The following ITGA4 variants were observed in gnomAD, a reference collection of about 807,000 sequenced individuals.
The protein encoded by ITGA4 is integrin subunit alpha 4.
A neutral mutation model predicts 133.6 loss-of-function variants in ITGA4; 63 were observed. That is an observed-to-expected ratio of 0.47 (90% CI 0.38 to 0.58). The LOEUF (loss-of-function observed/expected upper bound fraction) is 0.58. ITGA4 is among the 20% of genes least tolerant of loss of function. The pLI, the probability that ITGA4 is intolerant of heterozygous loss-of-function variation, is 0.00. For missense variants in ITGA4, 1,076 were observed against 1,252.7 expected, an observed-to-expected ratio of 0.86 and a Z score of 2.13; for synonymous variants, 483 against 438.0, an observed-to-expected ratio of 1.10 and a Z score of -1.28.
intron 25 of ITGA4, 49 bp from the exon 26 acceptor site, chr2:181,534,223 G>A: frequency 9.1e-7 from 1 of 1,101,216 alleles, no homozygotes; most frequent in Non-Finnish European, 1.4e-6. Context: ...GATAAATTAT[G>A]TCTTTATGAA....
intron 11 of ITGA4, 74 bp downstream of exon 11, chr2:181,493,493 G>A: frequency 1.2e-6 from 1 of 832,944 alleles, no homozygotes; most frequent in Non-Finnish European, 1.9e-6. Flanking sequence ...GGTTTATGTG[G>A]ACTTATTTTT....
At chr2:181,519,724 C>G (rs982330537) in intron 17 of ITGA4, among the ~76,000 whole-genome samples, 14 of 151,976 alleles carry the variant, frequency 9.2e-5, no homozygotes, top group African/African-American at 3.1e-4. Context: ...GGGTACAGAT[C>G]GCAATGTGGT....
chr2:181,505,340 G>A (rs1479072954), intron 15 of ITGA4, among the ~76,000 whole-genome samples: 2 of 151,930 alleles, frequency 1.3e-5, no homozygotes, highest in Non-Finnish European at 2.9e-5. Context: ...TTAACAGGAG[G>A]ACATGGGCCT....
intron 14 of ITGA4, among the ~76,000 whole-genome samples, chr2:181,496,543 C>T (rs372722986): frequency 2.6e-5 from 4 of 152,264 alleles, no homozygotes; most frequent in Non-Finnish European, 5.9e-5. Flanking sequence ...TCCTAAGAAC[C>T]GTCACCTATG....
Position 181,481,606 on chromosome 2 carries a change from G to A in ITGA4, c.763G>A (p.Val255Ile). Residue 255 changes from valine to isoleucine, a missense_variant, in exon 7 of 28, where the codon GTC becomes ATC. Val to Ile is a conservative substitution (Grantham distance 29). This residue lies in a region of ITGA4 where 436 missense variants were observed against 590.7 expected (regional missense o/e 0.74). Coordinates refer to ENST00000397033, the MANE Select transcript of ITGA4 (RefSeq NM_000885.6). ...VKFGSYLGYS[V>I]GAGHFRSQHT... Reference sequence around the variant, plus strand: ...TCTCCCTTTTCTTAAAGGATATTCAGTCGGAGCTGGTCATTTTCGGAGCCA... The same window carrying A: ...TCTCCCTTTTCTTAAAGGATATTCAATCGGAGCTGGTCATTTTCGGAGCCA... 3 of 1,591,864 alleles carry A rather than the reference G, an allele frequency of 1.9e-6. No individual in the cohort carries two copies. Among genetic ancestry groups the A allele is most frequent in the Non-Finnish European group, 2.6e-6 (3 of 1,162,678 alleles).
At chr2:181,514,033 C>CAAGA (rs1407429973) in intron 17 of ITGA4, among the ~76,000 whole-genome samples, 5 of 152,104 alleles carry the variant, frequency 3.3e-5, no homozygotes, top group Admixed American at 2.6e-4. Flanking sequence ...GAGAATGGAA[C>CAAGA]AAGATCCCAA....
intron 10 of ITGA4, among the ~76,000 whole-genome samples, chr2:181,492,288 T>A (rs550421270): frequency 6.6e-6 from 1 of 152,252 alleles, no homozygotes; most frequent in South Asian, 2.1e-4. Context: ...CATTTCTTTT[T>A]AACTGAAAAT....
In ITGA4 at chr2:181,468,975, A is replaced by C. The variant is rs190578977; in HGVS notation, c.320-5985A>C. On this transcript the variant is annotated intron_variant, in intron 2 of 27. Coordinates refer to ENST00000397033, the MANE Select transcript of ITGA4 (RefSeq NM_000885.6). Reference sequence around the variant, plus strand: ...TTAAACCATGTAAAGTACTTTTTCAATTATGGAGCTGATTTGATTTACTAA... The same window carrying C: ...TTAAACCATGTAAAGTACTTTTTCACTTATGGAGCTGATTTGATTTACTAA... 3.3e-5 allele frequency among the ~76,000 whole-genome samples: 5 copies of C among 152,158 alleles called. No homozygotes were observed. In the East Asian group the frequency reaches 9.6e-4, roughly 29 times the overall value.
chr2:181,538,294 T>A lies in ITGA4; in HGVS notation c.*2767T>A, dbSNP rs554779592. 3.7e-6 allele frequency: 4 copies of A among 1,069,580 alleles called. No homozygotes were observed. The highest frequency in any genetic ancestry group is 3.1e-5 in the African/African-American group (2 of 64,166). 66.3% of individuals were successfully genotyped at this position (1,069,580 alleles called of 1,614,324 possible). A position where few individuals can be genotyped will look rare whatever the true frequency, so the allele number is the denominator to read the frequency against. On this transcript the variant is annotated 3_prime_UTR_variant, in exon 28 of 28. Coordinates refer to ENST00000397033, the MANE Select transcript of ITGA4 (RefSeq NM_000885.6). Reference sequence around the variant, plus strand: ...TCAACTTATTTTGTTGTTTTTCACATACACCTAATAAGTATGGTACACAAT... The same window carrying A: ...TCAACTTATTTTGTTGTTTTTCACAAACACCTAATAAGTATGGTACACAAT...
intron 17 of ITGA4, among the ~76,000 whole-genome samples, chr2:181,514,079 A>G (rs1172167276): frequency 3.3e-5 from 5 of 152,152 alleles, no homozygotes; most frequent in African/African-American, 1.2e-4. Context: ...AATTAGCCTT[A>G]GTTAAGAATC....
intron 10 of ITGA4, among the ~76,000 whole-genome samples, chr2:181,492,011 T>C (rs1350552718): frequency 6.6e-6 from 1 of 152,272 alleles, no homozygotes; most frequent in Non-Finnish European, 1.5e-5. Context: ...AAGCCTTTTC[T>C]AATTTCCACC....
intron 2 of ITGA4, 150 bp downstream of exon 2, chr2:181,458,467 T>G: frequency 1.2e-6 from 1 of 820,092 alleles, no homozygotes; most frequent in South Asian, 1.7e-5. Context: ...TCATCTTGCC[T>G]CCTTAATATA....
At chr2:181,515,653 T>C (rs1261430678) in intron 17 of ITGA4, among the ~76,000 whole-genome samples, 2 of 152,082 alleles carry the variant, frequency 1.3e-5, no homozygotes, top group Non-Finnish European at 1.5e-5. Flanking sequence ...ATTAGATAAA[T>C]GATTATTTGA....
intron 2 of ITGA4, among the ~76,000 whole-genome samples, chr2:181,461,804 C>T (rs1199873107): frequency 2.0e-5 from 3 of 152,080 alleles, no homozygotes; most frequent in African/African-American, 4.8e-5. Flanking sequence ...TTACACTATC[C>T]AGTATAGTAT....
Position 181,498,609 on chromosome 2 carries a change from C to G in ITGA4, c.1541-14C>G. On this transcript the variant is annotated splice_polypyrimidine_tract_variant and intron_variant, in intron 14 of 27. Coordinates refer to ENST00000397033, the MANE Select transcript of ITGA4 (RefSeq NM_000885.6). ...CAGTAATTAGATTAATTGCAATTCT[C>G]TATATTTTTGCAGTTTTGTTTTATA... The G allele has an allele frequency of 6.5e-7, 1 of 1,544,454 alleles. No individual in the cohort carries two copies. Among genetic ancestry groups the G allele is most frequent in the Non-Finnish European group, 8.9e-7 (1 of 1,123,998 alleles).
intron 25 of ITGA4, among the ~76,000 whole-genome samples, chr2:181,533,632 C>T (rs905326422): frequency 6.6e-6 from 1 of 152,162 alleles, no homozygotes; most frequent in Non-Finnish European, 1.5e-5. Context: ...ACCCTCCCTG[C>T]TGAGAACCAC....
At chr2:181,499,858 G>T (rs1686233636) in intron 15 of ITGA4, among the ~76,000 whole-genome samples, 1 of 152,134 alleles carries the variant, frequency 6.6e-6, no homozygotes, top group African/African-American at 2.4e-5. Flanking sequence ...GGCAATAAAA[G>T]GGCCAACATT....
chr2:181,460,690 CAT>C (rs1685254874), intron 2 of ITGA4, among the ~76,000 whole-genome samples: 2 of 151,864 alleles, frequency 1.3e-5, no homozygotes, highest in African/African-American at 4.8e-5. Context: ...AGTACTGACA[CAT>C]AATACATTCA....
At chr2:181,482,804 G>T (rs1685835939) in intron 9 of ITGA4, among the ~76,000 whole-genome samples, 153 bp downstream of exon 9, 1 of 152,070 alleles carries the variant, frequency 6.6e-6, no homozygotes, top group Non-Finnish European at 1.5e-5. Context: ...AAATTAAATG[G>T]AATATGATGA....
Sources: gnomAD v4.1 joint callset for allele counts (sites outside exome capture counted in the v4.1 genomes callset) on GRCh38, gnomAD v4.1.1 for gene constraint, gnomAD v4.1.1 regional missense constraint, MANE v1.5 for transcripts, NCBI Gene and HGNC (gene_info 2026-07-23, HGNC 2026-07-21) for gene names.